Variants in CLEC16A observed in about 807,000 individuals in gnomAD.
The protein encoded by CLEC16A is protein CLEC16A.
In CLEC16A, 51 loss-of-function variants were observed where a neutral mutation model predicts 109.5. That is an observed-to-expected ratio of 0.47 (90% CI 0.37 to 0.59). The LOEUF is 0.59. Ranked by LOEUF, CLEC16A falls within the 20% of genes least tolerant of loss-of-function variation. CLEC16A has a pLI of 0.00. For synonymous variants in CLEC16A, 673 were observed against 564.2 expected (o/e 1.19, Z -2.73); for missense variants, 1,339 against 1,394.0 (o/e 0.96, Z 0.63).
At chr16:11,175,603 AAAC>A (rs1184240054) in intron 23 of CLEC16A, among the ~76,000 whole-genome samples, 6 of 152,240 alleles carry the variant, frequency 3.9e-5, no homozygotes, top group African/African-American at 1.2e-4. Context: ...AGCAGTTCTT[AAAC>A]AACAACAAGG....
intron 1 of CLEC16A, among the ~76,000 whole-genome samples, chr16:10,951,438 C>T (rs1267321496): frequency 6.6e-6 from 1 of 152,000 alleles, no homozygotes; most frequent in Non-Finnish European, 1.5e-5. Context: ...CATGTAAATT[C>T]TTGGCCAATA....
At chr16:10,993,228 A>C (rs2044137421) in intron 10 of CLEC16A, among the ~76,000 whole-genome samples, 1 of 151,970 alleles carries the variant, frequency 6.6e-6, no homozygotes. Flanking sequence ...AAAATACAAA[A>C]ATTAACCGGG....
At chr16:11,009,382 A>T (rs187980640) in intron 11 of CLEC16A, among the ~76,000 whole-genome samples, 1 of 152,218 alleles carries the variant, frequency 6.6e-6, no homozygotes, top group East Asian at 1.9e-4. Context: ...GGCTATTGGG[A>T]ATAATGCCGC....
At chr16:11,000,472 T>C (rs2044603993) in intron 10 of CLEC16A, among the ~76,000 whole-genome samples, 2 of 152,148 alleles carry the variant, frequency 1.3e-5, no homozygotes, top group Admixed American at 1.3e-4. Flanking sequence ...GGCTCTGAAA[T>C]TCACTAGGAG....
rs754891943 is a variant in CLEC16A at position 10,944,685 on chromosome 16, C to T, written c.-33C>T. 7 of 1,582,666 alleles carry T rather than the reference C, an allele frequency of 4.4e-6. No homozygotes were observed. The Admixed American group carries it at 1.2e-4, about 28-fold the overall frequency. On this transcript the variant is annotated 5_prime_UTR_variant, in exon 1 of 24. Coordinates refer to ENST00000409790, the MANE Select transcript of CLEC16A (RefSeq NM_015226.3). ...GCCGCTCTGCTGGTCCGGCATGAGA[C>T]CGTGAGACGAGAGACGGGTCGGGGC...
At chr16:11,003,356 C>G (rs1221615149) in intron 11 of CLEC16A, 51 bp downstream of exon 11, 25 of 1,495,118 alleles carry the variant, frequency 1.7e-5, no homozygotes, top group Non-Finnish European at 1.6e-5. Context: ...AGCCAGCCCG[C>G]CAGCGAGGCT....
intron 12 of CLEC16A, among the ~76,000 whole-genome samples, chr16:11,022,706 T>C (rs940203277): frequency 3.3e-5 from 5 of 152,002 alleles, no homozygotes; most frequent in African/African-American, 1.2e-4. Flanking sequence ...GAGACCATCC[T>C]GGCTAACACG....
intron 19 of CLEC16A, among the ~76,000 whole-genome samples, chr16:11,073,363 G>A (rs1316812550): frequency 6.6e-6 from 1 of 151,928 alleles, no homozygotes; most frequent in East Asian, 1.9e-4. Context: ...CACGATCGGG[G>A]GATCATCAGC....
At chr16:11,098,922 G>A (rs1479430122) in intron 19 of CLEC16A, among the ~76,000 whole-genome samples, 1 of 152,230 alleles carries the variant, frequency 6.6e-6, no homozygotes, top group Non-Finnish European at 1.5e-5. Context: ...GGTGGAGGGA[G>A]GCAGGTGACC....
rs187551322 is a variant in CLEC16A at position 11,153,540 on chromosome 16, G to A, written c.2642-12848G>A. 2.0e-3 allele frequency among the ~76,000 whole-genome samples: 304 copies of A among 151,158 alleles called. 1 individual carries two copies. The highest frequency in any genetic ancestry group is 7.0e-3 in the African/African-American group (287 of 41,058). ...GCTAAACAATGAAACGTACAGTTGT[G>A]TTTAAGAAACGTCACTCTAAGTATA... On this transcript the variant is annotated intron_variant, in intron 22 of 23. Coordinates refer to ENST00000409790, the MANE Select transcript of CLEC16A (RefSeq NM_015226.3).
intron 19 of CLEC16A, among the ~76,000 whole-genome samples, chr16:11,088,286 A>T (rs2050119849): frequency 6.6e-6 from 1 of 152,246 alleles, no homozygotes; most frequent in Admixed American, 6.5e-5. Context: ...TCACATGACC[A>T]GCCCAAGCAT....
At position 11,123,945 on chromosome 16, in the gene CLEC16A, T is replaced by G. The variant is rs1215442436; in HGVS notation, c.2472T>G (p.Ala824=). Reference sequence around the variant, plus strand: ...GGCGCATGAAGATGCAGAGAATAGCTGGTGAGTGGCTGGACCCTGGCAGGG... The same window carrying G: ...GGCGCATGAAGATGCAGAGAATAGCGGGTGAGTGGCTGGACCCTGGCAGGG... ...QARRMKMQRI[A]ALLDLPIQPT... The change falls in exon 21 of 24, where the codon GCT becomes GCG. Residue 824 remains alanine, a splice_region_variant and synonymous_variant. Coordinates refer to ENST00000409790, the MANE Select transcript of CLEC16A (RefSeq NM_015226.3). 5 of 1,601,996 alleles carry G rather than the reference T, an allele frequency of 3.1e-6. No homozygotes were observed. Among genetic ancestry groups the G allele is most frequent in the Non-Finnish European group, 4.3e-6 (5 of 1,174,402 alleles).
chr16:11,162,617 G>A (rs192655917), intron 22 of CLEC16A, among the ~76,000 whole-genome samples: 4 of 152,242 alleles, frequency 2.6e-5, no homozygotes, highest in South Asian at 2.1e-4. Context: ...TTGCAAGAGC[G>A]GAAACATATG....
At chr16:11,061,504 T>C (rs921222376) in intron 19 of CLEC16A, among the ~76,000 whole-genome samples, 3 of 152,260 alleles carry the variant, frequency 2.0e-5, no homozygotes, top group Non-Finnish European at 2.9e-5. Flanking sequence ...AACCTTGAGC[T>C]ACTTGTTCCG....
chr16:11,073,040 A>C (rs1456317707), intron 19 of CLEC16A, among the ~76,000 whole-genome samples: 1 of 152,230 alleles, frequency 6.6e-6, no homozygotes, highest in Non-Finnish European at 1.5e-5. Flanking sequence ...GGGGCAATTT[A>C]GTTCAAGCAT....
chr16:11,179,345 C>T lies in CLEC16A; in HGVS notation c.*655C>T, dbSNP rs993237448. 6.6e-6 allele frequency: 1 copy of T among 152,150 alleles called. No homozygotes were observed. Among genetic ancestry groups the T allele is most frequent in the Non-Finnish European group, 1.5e-5 (1 of 68,032 alleles). The allele number at this position is 152,150 out of a possible 1,614,324, so 9.4% of individuals were successfully genotyped here. A position where few individuals can be genotyped will look rare whatever the true frequency, so the allele number is the denominator to read the frequency against. ...TTTATTTAAGTGATTCTTTGTTACT[C>T]ACTAACTCTGCAAGCCTGTGGAATA... is the stretch of plus-strand genomic sequence containing the variant. On this transcript the variant is annotated 3_prime_UTR_variant, in exon 24 of 24. Transcript: ENST00000409790.
At chr16:11,099,865 G>A (rs1004122226) in intron 19 of CLEC16A, among the ~76,000 whole-genome samples, 1 of 152,160 alleles carries the variant, frequency 6.6e-6, no homozygotes, top group Non-Finnish European at 1.5e-5. Flanking sequence ...TTTACAGATG[G>A]GAAAGTAGAG....
chr16:11,010,323 C>G (rs1256613612), intron 11 of CLEC16A, among the ~76,000 whole-genome samples: 2 of 152,040 alleles, frequency 1.3e-5, no homozygotes, highest in African/African-American at 4.8e-5. Flanking sequence ...ATGCACACAA[C>G]AGGCCCTAGC....
At chr16:11,044,309 T>G in intron 16 of CLEC16A, 1 of 354,596 alleles carries the variant, frequency 2.8e-6, no homozygotes, top group Non-Finnish European at 5.0e-6. Context: ...GATAATTTGT[T>G]TCTCAGTAAT....
Sources: allele counts gnomAD v4.1 joint callset (sites outside exome capture counted in the v4.1 genomes callset), GRCh38; gene constraint gnomAD v4.1.1; transcripts MANE v1.5; gene names NCBI Gene and HGNC (gene_info 2026-07-23, HGNC 2026-07-21).